Variants in SLC12A7 observed in about 807,000 individuals in gnomAD.
The protein encoded by SLC12A7 is solute carrier family 12 member 7.
Under a neutral mutation model 120.6 loss-of-function variants are expected in SLC12A7, and 100 were observed. The ratio of observed to expected loss-of-function variants is 0.83; its 90% CI spans 0.71 to 0.98. The LOEUF (loss-of-function observed/expected upper bound fraction) is 0.98, where lower values mean the gene tolerates loss of function less well. Ranked by LOEUF, SLC12A7 falls within the 50% of genes least tolerant of loss-of-function variation. The pLI is 0.00. For missense variants in SLC12A7, 1,373 were observed against 1,548.1 expected, an observed-to-expected ratio of 0.89 and a Z score of 1.90; for synonymous variants, 760 against 678.0, an observed-to-expected ratio of 1.12 and a Z score of -1.88.
chr5:1,061,069 C>CTCATGGGA (rs1736169502), intron 20 of SLC12A7, among the ~76,000 whole-genome samples: 1 of 118,384 alleles, frequency 8.4e-6, no homozygotes, highest in African/African-American at 3.4e-5. Context: ...CCGCACCCGC[C>CTCATGGGA]GCACCTGCCG....
chr5:1,105,062 G>C (rs1742384177), intron 1 of SLC12A7, among the ~76,000 whole-genome samples: 1 of 139,702 alleles, frequency 7.2e-6, no homozygotes, highest in African/African-American at 2.7e-5. Flanking sequence ...ACCAGCCAAA[G>C]AGGAGCCTCC....
intron 1 of SLC12A7, among the ~76,000 whole-genome samples, chr5:1,109,166 C>G (rs368912277): frequency 6.6e-6 from 1 of 152,274 alleles, no homozygotes; most frequent in South Asian, 2.1e-4. Context: ...GCTCTGCACG[C>G]TGCACCTTCC....
At chr5:1,091,951 C>T (rs929769004) in intron 3 of SLC12A7, among the ~76,000 whole-genome samples, 8 of 152,136 alleles carry the variant, frequency 5.3e-5, no homozygotes, top group South Asian at 2.1e-4. Context: ...CTCCCCGAGC[C>T]GGGAAGGACC....
At chr5:1,134,111 A>G in the SLC12A7 span, among the ~76,000 whole-genome samples, 2 of 152,154 alleles carry the variant, frequency 1.3e-5, no homozygotes, top group Admixed American at 1.3e-4. Context: ...TCATGTTGTG[A>G]GAGAACTGGG....
intron 8 of SLC12A7, 76 bp downstream of exon 8, chr5:1,083,669 G>A: frequency 1.4e-6 from 2 of 1,463,620 alleles, no homozygotes; most frequent in Admixed American, 3.4e-5. Flanking sequence ...TGACTCTAAG[G>A]CGAGAGCAGC....
chr5:1,100,742 C>A (rs1271766773), intron 1 of SLC12A7, among the ~76,000 whole-genome samples: 3 of 152,250 alleles, frequency 2.0e-5, no homozygotes, highest in African/African-American at 7.2e-5. Flanking sequence ...CACCTCCCAA[C>A]TGAGGGGCAT....
chr5:1,098,041 G>T (rs534505524), intron 1 of SLC12A7, among the ~76,000 whole-genome samples: 1 of 151,892 alleles, frequency 6.6e-6, no homozygotes, highest in South Asian at 2.1e-4. Context: ...GAGACCCTTC[G>T]TTAAAAATCC....
chr5:1,153,479 A>C, the SLC12A7 span, among the ~76,000 whole-genome samples: 1 of 152,174 alleles, frequency 6.6e-6, no homozygotes, highest in Admixed American at 6.5e-5. Flanking sequence ...GGGCACCCGG[A>C]GGAGAGGCCA....
At chr5:1,118,979 G>A in the SLC12A7 span, among the ~76,000 whole-genome samples, 1 of 152,180 alleles carries the variant, frequency 6.6e-6, no homozygotes, top group South Asian at 2.1e-4. Context: ...GACCTCCCCA[G>A]AGGAATGTTC....
intron 17 of SLC12A7, among the ~76,000 whole-genome samples, chr5:1,067,142 C>T (rs144603350): frequency 0.011 from 1,705 of 152,330 alleles, 31 homozygotes; most frequent in African/African-American, 0.039. Context: ...CCAGACACCT[C>T]CACCTTCTGC....
chr5:1,134,590 C>T, the SLC12A7 span, among the ~76,000 whole-genome samples: 2 of 151,994 alleles, frequency 1.3e-5, no homozygotes, highest in African/African-American at 4.8e-5. Flanking sequence ...TAAATTGGTA[C>T]AGTCCATACG....
At position 1,074,770 on chromosome 5, in the gene SLC12A7, C is replaced by T. The variant is rs1738133858; in HGVS notation, c.1968-99G>A. The T allele has an allele frequency of 1.0e-5, 11 of 1,072,932 alleles. No homozygotes were observed. The East Asian group carries it at 2.8e-4, about 28-fold the overall frequency. The allele number at this position is 1,072,932 out of a possible 1,614,324, so 66.5% of individuals were successfully genotyped here. Reference sequence around the variant, plus strand: ...CTGGGGGCAGGTGAGTTGGGGCAAACAGGACCCCCAGGAAAAGTCCCTGGA... The same window carrying T: ...CTGGGGGCAGGTGAGTTGGGGCAAATAGGACCCCCAGGAAAAGTCCCTGGA... On this transcript the variant is annotated intron_variant, in intron 15 of 23. Coordinates refer to ENST00000264930, the MANE Select transcript of SLC12A7 (RefSeq NM_006598.3).
At chr5:1,136,340 G>C in the SLC12A7 span, among the ~76,000 whole-genome samples, 1 of 150,496 alleles carries the variant, frequency 6.6e-6, no homozygotes, top group Non-Finnish European at 1.5e-5. Flanking sequence ...ACCAGGACAC[G>C]CAGGCACACA....
the SLC12A7 span, among the ~76,000 whole-genome samples, chr5:1,140,854 G>T: frequency 0.12 from 18,368 of 152,256 alleles, 1,305 homozygotes; most frequent in Middle Eastern, 0.22. Context: ...TAGCTTCTAG[G>T]TGACCACGCC....
At chr5:1,061,665 C>G (rs1561036451) in intron 20 of SLC12A7, among the ~76,000 whole-genome samples, 2 of 152,246 alleles carry the variant, frequency 1.3e-5, no homozygotes, top group Non-Finnish European at 2.9e-5. Flanking sequence ...AAACAGCACA[C>G]CAGATCAGGT....
At chr5:1,123,920 A>G in the SLC12A7 span, among the ~76,000 whole-genome samples, 1 of 152,200 alleles carries the variant, frequency 6.6e-6, no homozygotes, top group Admixed American at 6.5e-5. Context: ...GCCTCATTGA[A>G]ACCTTAAATA....
intron 20 of SLC12A7, 61 bp from the exon 21 acceptor site, chr5:1,060,512 A>C: frequency 7.6e-7 from 1 of 1,323,830 alleles, no homozygotes; most frequent in African/African-American, 1.5e-5. Flanking sequence ...TGGCTCCAAC[A>C]CCAGCCCGGT....
In SLC12A7 at chr5:1,076,179, T is replaced by C. The variant is rs1057178353; in HGVS notation, c.1806A>G (p.Leu602=). ...VNLACAVQTL[L]RTPNWRPRFK... The stretch of plus-strand genomic sequence containing the variant: ...AGCGTGGACGCCAGTTGGGGGTACG[T>C]AGCAGGGTCTGCACGGCGCAGGCCA... Residue 602 remains leucine, a synonymous_variant, in exon 14 of 24, where the codon CTA becomes CTG. Transcript: ENST00000264930. The C allele has an allele frequency of 6.2e-7, 1 of 1,612,524 alleles. No homozygotes were observed. The highest frequency in any genetic ancestry group is 1.1e-5 in the South Asian group (1 of 90,928).
At chr5:1,080,230 GCGGAGACACCAGGAGCCACGCAGAGGC>G in intron 9 of SLC12A7, among the ~76,000 whole-genome samples, 65 of 4,554 alleles carry the variant, frequency 0.014, 3 homozygotes, top group African/African-American at 0.016. Context: ...CACCCGCGGC[GCGGAGACACCAGGAGCCACGCAGAGGC>G]TCTGCCCCCA....
Sources: allele counts gnomAD v4.1 joint callset (sites outside exome capture counted in the v4.1 genomes callset), GRCh38; gene constraint gnomAD v4.1.1; transcripts MANE v1.5; gene names NCBI Gene and HGNC (gene_info 2026-07-23, HGNC 2026-07-21).